NOS1AP: variants seen among roughly 807,000 people sequenced by gnomAD.
The protein encoded by NOS1AP is nitric oxide synthase 1 adaptor protein.
NOS1AP carries 21 observed loss-of-function variants against 56.2 expected under a neutral mutation model. The observed-to-expected ratio is 0.37, with a 90% CI of 0.26 to 0.54. The LOEUF (loss-of-function observed/expected upper bound fraction) is 0.54, where lower values mean the gene tolerates loss of function less well. Among genes scored for constraint, NOS1AP ranks in the 20% least tolerant of loss-of-function variants. NOS1AP has a pLI of 0.84. For synonymous variants in NOS1AP, 270 were observed against 274.6 expected (o/e 0.98, Z 0.17); for missense variants, 522 against 657.8 (o/e 0.79, Z 2.26).
intron 1 of NOS1AP, among the ~76,000 whole-genome samples, chr1:162,087,209 C>T (rs530407233): frequency 3.9e-5 from 6 of 152,160 alleles, no homozygotes; most frequent in African/African-American, 1.4e-4. Context: ...TCCAGTAGCT[C>T]GTGACAGTGA....
chr1:162,289,339 C>T (rs963045009), intron 3 of NOS1AP, among the ~76,000 whole-genome samples: 1 of 150,864 alleles, frequency 6.6e-6, no homozygotes, highest in Non-Finnish European at 1.5e-5. Flanking sequence ...ATTCTTTTGC[C>T]CAGGCTGGAG....
At chr1:162,309,455 A>G (rs1256388186) in intron 4 of NOS1AP, among the ~76,000 whole-genome samples, 3 of 152,244 alleles carry the variant, frequency 2.0e-5, no homozygotes, top group Admixed American at 6.5e-5. Context: ...ATCTTTAAGA[A>G]TATGCTAAGT....
intron 2 of NOS1AP, among the ~76,000 whole-genome samples, chr1:162,203,746 C>T (rs1652067666): frequency 6.6e-6 from 1 of 152,110 alleles, no homozygotes; most frequent in South Asian, 2.1e-4. Flanking sequence ...ATGTTGGGCA[C>T]CTAGGGCATA....
intron 1 of NOS1AP, among the ~76,000 whole-genome samples, chr1:162,073,604 G>GCTAC (rs1691707214): frequency 6.6e-6 from 1 of 152,154 alleles, no homozygotes; most frequent in Non-Finnish European, 1.5e-5. Flanking sequence ...GGGATAACAG[G>GCTAC]CATGCGCCAC....
At chr1:162,151,755 T>C (rs1424398773) in intron 1 of NOS1AP, among the ~76,000 whole-genome samples, 1 of 152,142 alleles carries the variant, frequency 6.6e-6, no homozygotes, top group Non-Finnish European at 1.5e-5. Context: ...TGATTTTCTT[T>C]GCATGAATGA....
At chr1:162,219,088 C>G (rs983924674) in intron 2 of NOS1AP, among the ~76,000 whole-genome samples, 1 of 152,136 alleles carries the variant, frequency 6.6e-6, no homozygotes, top group Non-Finnish European at 1.5e-5. Flanking sequence ...GACATTCCAT[C>G]TGGGTTAGAA....
At chr1:162,215,509 T>C (rs759977117) in intron 2 of NOS1AP, among the ~76,000 whole-genome samples, 3 of 152,240 alleles carry the variant, frequency 2.0e-5, no homozygotes, top group Non-Finnish European at 4.4e-5. Flanking sequence ...GTTCCTAAGA[T>C]GCAAACATGG....
At chr1:162,295,807 T>C (rs912884979) in intron 3 of NOS1AP, among the ~76,000 whole-genome samples, 4 of 152,226 alleles carry the variant, frequency 2.6e-5, no homozygotes, top group African/African-American at 9.6e-5. Context: ...GAGTCAGCAC[T>C]AGTCCAAACA....
chr1:162,094,084 A>G (rs888716787), intron 1 of NOS1AP, among the ~76,000 whole-genome samples: 4 of 152,152 alleles, frequency 2.6e-5, no homozygotes, highest in African/African-American at 9.7e-5. Flanking sequence ...AGCCAGATTT[A>G]TCAGTGTGCA....
intron 4 of NOS1AP, among the ~76,000 whole-genome samples, chr1:162,314,596 C>T (rs1262506287): frequency 1.3e-5 from 2 of 152,214 alleles, no homozygotes; most frequent in African/African-American, 4.8e-5. Flanking sequence ...AAAACAAACA[C>T]TTCTTTCCTT....
intron 2 of NOS1AP, among the ~76,000 whole-genome samples, chr1:162,181,494 G>A (rs574249825): frequency 6.6e-6 from 1 of 152,292 alleles, no homozygotes; most frequent in African/African-American, 2.4e-5. Context: ...TTTTAGATAA[G>A]CTTATTTGCA....
intron 6 of NOS1AP, among the ~76,000 whole-genome samples, chr1:162,348,566 G>A (rs1249454705): frequency 6.6e-6 from 1 of 152,140 alleles, no homozygotes; most frequent in Non-Finnish European, 1.5e-5. Flanking sequence ...CTCTTCCTAA[G>A]AAAAATGGAA....
rs146911013 is a variant in NOS1AP, at chr1:162,367,246, C to A, written c.1300C>A (p.Leu434Ile). 9 of 1,613,830 alleles carry A rather than the reference C, an allele frequency of 5.6e-6. No homozygotes were observed. The highest frequency in any genetic ancestry group is 7.6e-6 in the Non-Finnish European group (9 of 1,179,962). Residue 434 changes from leucine to isoleucine, a missense_variant, in exon 10 of 10, where the codon CTT becomes ATT. By Grantham distance (5) the Leu-to-Ile change is conservative (BLOSUM62 2). Coordinates refer to ENST00000361897, the MANE Select transcript of NOS1AP (RefSeq NM_014697.3). This position sits in a 1 kb window ranked among gnomAD's most constrained non-coding sequence, Gnocchi z 6.5. The stretch of plus-strand genomic sequence containing the variant: ...GGTGAAGCTGGAGTGCTTTCGCTTT[C>A]TTCCGCCCGAGGACACCCCGCCCCC... ...CLVKLECFRF[L>I]PPEDTPPPAQ...
chr1:162,245,278 A>G (rs1653625381), intron 2 of NOS1AP, among the ~76,000 whole-genome samples: 1 of 152,240 alleles, frequency 6.6e-6, no homozygotes. Flanking sequence ...ATATGAACAG[A>G]TGCTGAGCAT....
intron 3 of NOS1AP, among the ~76,000 whole-genome samples, chr1:162,296,254 T>G (rs1198725189): frequency 6.6e-6 from 1 of 152,058 alleles, no homozygotes; most frequent in Admixed American, 6.5e-5. Context: ...GCCACTGCAC[T>G]CCAGCCTGGT....
intron 1 of NOS1AP, among the ~76,000 whole-genome samples, chr1:162,100,078 T>C (rs1692347457): frequency 6.6e-6 from 1 of 152,214 alleles, no homozygotes; most frequent in Admixed American, 6.5e-5. Context: ...TTGTGAATAG[T>C]GCCGCAATAA....
intron 1 of NOS1AP, among the ~76,000 whole-genome samples, chr1:162,109,810 C>T (rs80269452): frequency 0.026 from 3,958 of 151,976 alleles, 158 homozygotes; most frequent in African/African-American, 0.089. Flanking sequence ...TAGTTCAGCT[C>T]ACCAAGCCCT....
chr1:162,136,634 G>A (rs956218585), intron 1 of NOS1AP, among the ~76,000 whole-genome samples: 2 of 152,082 alleles, frequency 1.3e-5, no homozygotes, highest in African/African-American at 4.8e-5. Context: ...TTTCTCATGT[G>A]CTGCAGAGGT....
At chr1:162,280,792 A>G (rs1383556981) in intron 2 of NOS1AP, among the ~76,000 whole-genome samples, 2 of 152,236 alleles carry the variant, frequency 1.3e-5, no homozygotes, top group East Asian at 3.8e-4. Context: ...GGATTGAGGT[A>G]GGTAGATGGG....
Sources: gnomAD v4.1 joint callset for allele counts (sites outside exome capture counted in the v4.1 genomes callset) on GRCh38, gnomAD v4.1.1 for gene constraint, Gnocchi (gnomAD v3.1) non-coding constraint, MANE v1.5 for transcripts, NCBI Gene and HGNC (gene_info 2026-07-23, HGNC 2026-07-21) for gene names.